CDH13: variants seen among roughly 807,000 people sequenced by gnomAD.
CDH13 encodes the protein cadherin-13.
Under a neutral mutation model 63.8 loss-of-function variants are expected in CDH13, and 24 were observed. The ratio of observed to expected loss-of-function variants is 0.38; its 90% CI spans 0.27 to 0.53. CDH13 has a LOEUF of 0.53. CDH13 is among the 20% of genes least tolerant of loss of function. The pLI is 0.85. For missense variants in CDH13, 1,049 were observed against 903.1 expected (o/e 1.16, Z -2.07); for synonymous variants, 503 against 355.3 (o/e 1.42, Z -4.67).
chr16:83,574,038 C>G (rs552946317), intron 7 of CDH13, among the ~76,000 whole-genome samples: 1 of 152,040 alleles, frequency 6.6e-6, no homozygotes. Flanking sequence ...ACAGTTTTCC[C>G]GAGACAGTCC....
intron 2 of CDH13, among the ~76,000 whole-genome samples, chr16:82,980,274 C>T (rs1480637268): frequency 6.6e-6 from 1 of 152,152 alleles, no homozygotes; most frequent in Non-Finnish European, 1.5e-5. Context: ...CCTTTTCTCC[C>T]TGCCTTCCCT....
intron 1 of CDH13, among the ~76,000 whole-genome samples, chr16:82,806,391 A>G (rs972220738): frequency 5.3e-5 from 8 of 152,196 alleles, no homozygotes; most frequent in African/African-American, 1.9e-4. Context: ...CGTATACCAG[A>G]CACCTTTAAG....
At chr16:83,482,488 C>T (rs561920947) in intron 6 of CDH13, among the ~76,000 whole-genome samples, 6 of 152,188 alleles carry the variant, frequency 3.9e-5, no homozygotes, top group African/African-American at 4.8e-5. Flanking sequence ...CGGTGTTTGC[C>T]ACGTATTTCC....
intron 1 of CDH13, among the ~76,000 whole-genome samples, chr16:82,802,083 C>A (rs1026443836): frequency 1.4e-5 from 2 of 148,036 alleles, no homozygotes; most frequent in African/African-American, 5.2e-5. Context: ...CCCACTGGGG[C>A]AGCTCACTGG....
At chr16:83,249,049 C>G (rs748109325) in intron 5 of CDH13, among the ~76,000 whole-genome samples, 4 of 152,208 alleles carry the variant, frequency 2.6e-5, no homozygotes, top group Non-Finnish European at 2.9e-5. Context: ...AGTCTCTTAT[C>G]TGACTCTCAG....
chr16:83,483,251 A>G (rs890347048), intron 6 of CDH13, among the ~76,000 whole-genome samples: 2 of 152,204 alleles, frequency 1.3e-5, no homozygotes, highest in African/African-American at 2.4e-5. Flanking sequence ...GAGTAAATCC[A>G]GTGATGCATT....
At chr16:82,772,676 T>TTCA (rs1053180837) in intron 1 of CDH13, among the ~76,000 whole-genome samples, 1 of 152,204 alleles carries the variant, frequency 6.6e-6, no homozygotes, top group African/African-American at 2.4e-5. Context: ...GGAGGTAGAT[T>TTCA]TCATCATCAT....
intron 1 of CDH13, among the ~76,000 whole-genome samples, chr16:82,817,252 G>A (rs991803863): frequency 6.6e-6 from 1 of 152,032 alleles, no homozygotes; most frequent in Admixed American, 6.6e-5. Context: ...CTTCTATCCA[G>A]CCCTACACCC....
chr16:82,714,575 G>A (rs1275521833), intron 1 of CDH13, among the ~76,000 whole-genome samples: 1 of 151,578 alleles, frequency 6.6e-6, no homozygotes, highest in Non-Finnish European at 1.5e-5. Context: ...TTAGCTGGGT[G>A]TGTTGGCATA....
intron 6 of CDH13, among the ~76,000 whole-genome samples, chr16:83,373,377 G>T (rs1046491966): frequency 7.9e-5 from 12 of 152,158 alleles, no homozygotes; most frequent in African/African-American, 2.9e-4. Context: ...AAAAGATCTA[G>T]AAGGCTCCCA....
At chr16:83,178,449 T>A (rs2038218009) in intron 4 of CDH13, among the ~76,000 whole-genome samples, 2 of 152,182 alleles carry the variant, frequency 1.3e-5, no homozygotes, top group South Asian at 4.1e-4. Context: ...TTTCTGAACA[T>A]GTGAATTTTC....
intron 2 of CDH13, among the ~76,000 whole-genome samples, chr16:82,891,403 T>C (rs140101535): frequency 8.5e-5 from 13 of 152,308 alleles, no homozygotes; most frequent in African/African-American, 3.1e-4. Flanking sequence ...AGGTTAAGAC[T>C]CAAGGGCTGT....
At chr16:82,713,662 A>G (rs916261882) in intron 1 of CDH13, among the ~76,000 whole-genome samples, 24 of 152,290 alleles carry the variant, frequency 1.6e-4, no homozygotes, top group Admixed American at 1.0e-3. Context: ...TCCATTAAAA[A>G]GCCAGCAAAA....
chr16:83,575,595 C>T (rs1905035427), intron 7 of CDH13, among the ~76,000 whole-genome samples: 1 of 152,184 alleles, frequency 6.6e-6, no homozygotes, highest in South Asian at 2.1e-4. Flanking sequence ...TTTGCACATG[C>T]TATTCATGAC....
intron 2 of CDH13, among the ~76,000 whole-genome samples, chr16:83,000,823 C>T (rs1912843047): frequency 3.3e-5 from 5 of 152,162 alleles, no homozygotes; most frequent in Admixed American, 3.3e-4. Context: ...GCATGATCCG[C>T]CCGCCTCGGC....
intron 2 of CDH13, among the ~76,000 whole-genome samples, chr16:82,939,858 C>T (rs963213367): frequency 1.3e-5 from 2 of 152,208 alleles, no homozygotes; most frequent in East Asian, 1.9e-4. Context: ...TAGGTATATT[C>T]GCACGTTTTC....
intron 4 of CDH13, among the ~76,000 whole-genome samples, chr16:83,200,180 C>T (rs2038984525): frequency 6.6e-6 from 1 of 152,100 alleles, no homozygotes; most frequent in Admixed American, 6.5e-5. Flanking sequence ...CTTTGTAACG[C>T]CTTAACAGGA....
At chr16:83,401,709 T>C (rs949507848) in intron 6 of CDH13, among the ~76,000 whole-genome samples, 3 of 152,110 alleles carry the variant, frequency 2.0e-5, no homozygotes, top group African/African-American at 7.2e-5. Flanking sequence ...TACCCAAGGA[T>C]GCGTGACTGG....
In CDH13 at chr16:83,338,344, G is replaced by C. The variant is rs149509172; in HGVS notation, c.637-6518G>C. 2.0e-5 allele frequency among the ~76,000 whole-genome samples: 3 copies of C among 152,302 alleles called. No individual in the cohort carries two copies. In the East Asian group the frequency reaches 5.8e-4, roughly 29 times the overall value. ...TAATATGCCGGAGATGGAGAGAAAG[G>C]ACAGATGGCCAGAGCTCAGGCCAAA... is the stretch of plus-strand genomic sequence containing the variant. On this transcript the variant is annotated intron_variant, in intron 5 of 13. Transcript: ENST00000567109.
Sources: gnomAD v4.1 joint callset for allele counts (sites outside exome capture counted in the v4.1 genomes callset) on GRCh38, gnomAD v4.1.1 for gene constraint, MANE v1.5 for transcripts, NCBI Gene and HGNC (gene_info 2026-07-23, HGNC 2026-07-21) for gene names.